TOR1AIP2: variants seen among roughly 807,000 people sequenced by gnomAD.
TOR1AIP2 encodes torsin 1A interacting protein 2, also known as torsin-1A-interacting protein 2.
Under a neutral mutation model 32.6 loss-of-function variants are expected in TOR1AIP2, and 20 were observed. That is an observed-to-expected ratio of 0.61 (90% CI 0.43 to 0.89). TOR1AIP2 has a LOEUF of 0.89. TOR1AIP2 is among the 40% of genes least tolerant of loss of function. The pLI, the probability that TOR1AIP2 is intolerant of heterozygous loss-of-function variation, is 0.00. For synonymous variants in TOR1AIP2, 214 were observed against 210.8 expected (o/e 1.02, Z -0.13); for missense variants, 456 against 553.8 (o/e 0.82, Z 1.77).
intron 3 of TOR1AIP2, chr1:179,858,888 G>A (rs1207646047): frequency 1.9e-5 from 7 of 372,526 alleles, no homozygotes; most frequent in African/African-American, 1.3e-4. Flanking sequence ...GGCAGGGTAG[G>A]TATCAGGAAG....
intron 2 of TOR1AIP2, among the ~76,000 whole-genome samples, chr1:179,873,187 C>T (rs112509567): frequency 2.0e-5 from 3 of 152,034 alleles, no homozygotes; most frequent in Admixed American, 6.5e-5. Context: ...ATTTTGGGTT[C>T]GGTGTTTTTT....
At chr1:179,863,345 C>T (rs551145622) in intron 3 of TOR1AIP2, 2 of 983,734 alleles carry the variant, frequency 2.0e-6, no homozygotes, top group South Asian at 4.7e-5. Flanking sequence ...TAAACTGGTA[C>T]TTTCTAATGA....
intron 3 of TOR1AIP2, among the ~76,000 whole-genome samples, chr1:179,856,768 C>T (rs995412995): frequency 1.3e-5 from 2 of 152,186 alleles, no homozygotes; most frequent in Admixed American, 6.5e-5. Flanking sequence ...TGCGCACCAC[C>T]GTGCCCAGCT....
chr1:179,848,034 G>GAAAAA (rs11445917), intron 5 of TOR1AIP2, among the ~76,000 whole-genome samples: 1 of 86,726 alleles, frequency 1.2e-5, no homozygotes. Context: ...CTCCATCTCA[G>GAAAAA]AAAAAAAAAA....
At chr1:179,849,179 C>G (rs1696028987) in intron 5 of TOR1AIP2, among the ~76,000 whole-genome samples, 1 of 151,912 alleles carries the variant, frequency 6.6e-6, no homozygotes, top group Non-Finnish European at 1.5e-5. Context: ...GAGATGAAAA[C>G]AAAGTTTCTC....
At chr1:179,857,669 A>G (rs1226777581) in intron 3 of TOR1AIP2, among the ~76,000 whole-genome samples, 1 of 152,232 alleles carries the variant, frequency 6.6e-6, no homozygotes, top group African/African-American at 2.4e-5. Flanking sequence ...GAAGATTCCA[A>G]CATACAATAT....
At chr1:179,860,982 C>T (rs1378694647) in intron 3 of TOR1AIP2, 2 of 985,326 alleles carry the variant, frequency 2.0e-6, no homozygotes, top group Non-Finnish European at 2.4e-6. Context: ...ATGAATCTTA[C>T]CTCACTCACT....
intron 3 of TOR1AIP2, chr1:179,864,300 C>T: frequency 1.0e-6 from 1 of 985,646 alleles, no homozygotes; most frequent in Non-Finnish European, 1.2e-6. Flanking sequence ...TATCTCATCA[C>T]TGACCAATGC....
chr1:179,875,843 C>T (rs369352357), intron 2 of TOR1AIP2: 7 of 152,304 alleles, frequency 4.6e-5, no homozygotes, highest in Admixed American at 3.9e-4. Context: ...GTTAGGGACA[C>T]GCTTCCTTAT....
chr1:179,863,758 G>A, intron 3 of TOR1AIP2: 1 of 982,806 alleles, frequency 1.0e-6, no homozygotes. Context: ...TGATAATATT[G>A]CTAAAAGCAC....
At chr1:179,863,675 A>G (rs1696647557) in intron 3 of TOR1AIP2, 1 of 953,026 alleles carries the variant, frequency 1.0e-6, no homozygotes, top group Admixed American at 6.8e-5. Context: ...TTTTTTAAAA[A>G]GCAAAAAAAA....
chr1:179,863,677 CAAA>C (rs904854823), intron 3 of TOR1AIP2: 2,566 of 842,226 alleles, frequency 3.0e-3, no homozygotes, highest in Middle Eastern at 4.4e-3. Flanking sequence ...TTTTAAAAAG[CAAA>C]AAAAAAAAAA....
chr1:179,854,155 T>A (rs1237722052), intron 3 of TOR1AIP2, among the ~76,000 whole-genome samples: 1 of 152,168 alleles, frequency 6.6e-6, no homozygotes, highest in South Asian at 2.1e-4. Flanking sequence ...TTAAGGAACC[T>A]AGAATAAAAA....
intron 3 of TOR1AIP2, among the ~76,000 whole-genome samples, chr1:179,858,078 C>A (rs1181102726): frequency 6.6e-6 from 1 of 151,154 alleles, no homozygotes; most frequent in Non-Finnish European, 1.5e-5. Context: ...TCCTTTGAGC[C>A]CAGGAGTTCA....
intron 3 of TOR1AIP2, chr1:179,861,572 T>C: frequency 1.0e-6 from 1 of 981,872 alleles, no homozygotes; most frequent in Non-Finnish European, 1.2e-6. Context: ...TGAACAAAAC[T>C]GTTTGTGAAG....
intron 3 of TOR1AIP2, among the ~76,000 whole-genome samples, chr1:179,853,660 G>T (rs181599530): frequency 6.6e-6 from 1 of 152,048 alleles, no homozygotes; most frequent in African/African-American, 2.4e-5. Context: ...CCAACTGGCC[G>T]TCTTTATGTT....
chr1:179,856,526 G>T (rs183152860), intron 3 of TOR1AIP2, among the ~76,000 whole-genome samples: 1 of 152,214 alleles, frequency 6.6e-6, no homozygotes, highest in Admixed American at 6.5e-5. Flanking sequence ...ACAAGAAGTG[G>T]GACAAACAAG....
chr1:179,850,779 C>T (rs1490471068), intron 5 of TOR1AIP2, 66 bp downstream of exon 5: 1 of 1,531,954 alleles, frequency 6.5e-7, no homozygotes, highest in African/African-American at 1.4e-5. Context: ...AGGCCTCTGA[C>T]TTCTGCTGTG....
chr1:179,855,900 C>G (rs1202495731), intron 3 of TOR1AIP2, among the ~76,000 whole-genome samples: 1 of 152,024 alleles, frequency 6.6e-6, no homozygotes, highest in Non-Finnish European at 1.5e-5. Context: ...TACTGCTGAC[C>G]AGGCACAGTG....
Sources: gnomAD v4.1 joint callset for allele counts (sites outside exome capture counted in the v4.1 genomes callset) on GRCh38, gnomAD v4.1.1 for gene constraint, MANE v1.5 for transcripts, NCBI Gene and HGNC (gene_info 2026-07-23, HGNC 2026-07-21) for gene names.